ZNF763: variants seen among roughly 807,000 people sequenced by gnomAD.
ZNF763 encodes the protein zinc finger protein 763.
A neutral mutation model predicts 38.0 loss-of-function variants in ZNF763; 33 were observed. The ratio of observed to expected loss-of-function variants is 0.87; its 90% CI spans 0.66 to 1.16. The LOEUF (loss-of-function observed/expected upper bound fraction) is 1.16. Among genes scored for constraint, ZNF763 ranks in the 50% most tolerant of loss-of-function variants. The probability of loss-of-function intolerance (pLI) is 0.00; values close to 1 mark genes in which losing one functional copy is unlikely to be tolerated. For missense variants in ZNF763, 423 were observed against 469.1 expected (o/e 0.90, Z 0.91); for synonymous variants, 155 against 160.1 (o/e 0.97, Z 0.24).
chr19:11,969,293 C>T (rs1973302083), intron 1 of ZNF763, among the ~76,000 whole-genome samples: 5 of 152,122 alleles, frequency 3.3e-5, no homozygotes, highest in Admixed American at 3.3e-4. Flanking sequence ...TTAGTAAAGA[C>T]AGCGTTTTAT....
At chr19:11,965,999 G>A (rs1412750130) in intron 1 of ZNF763, among the ~76,000 whole-genome samples, 1 of 152,100 alleles carries the variant, frequency 6.6e-6, no homozygotes, top group African/African-American at 2.4e-5. Context: ...TCTAAAGTTT[G>A]GAGGAGGTAG....
Position 11,977,081 on chromosome 19 carries a change from A to G in ZNF763, c.47A>G (p.Glu16Gly), listed in dbSNP as rs756442188. The G allele has an allele frequency of 6.2e-7, 1 of 1,614,128 alleles. No homozygotes were observed. The highest frequency in any genetic ancestry group is 1.1e-5 in the South Asian group (1 of 91,082). The change falls in exon 2 of 4, where the codon GAG (glutamate) becomes GGG (glycine). Residue 16 changes from glutamate (E) to glycine (G), a missense_variant. Glu to Gly is a moderately conservative substitution (Grantham distance 98). Coordinates refer to ENST00000358987, the MANE Select transcript of ZNF763 (RefSeq NM_001367172.2). ...GATGTTGCTGTGAACTTCACCCAGG[A>G]GGAGTGGGCTTTGCTGGATATTTCG... is the stretch of plus-strand genomic sequence containing the variant. ...CEDVAVNFTQ[E>G]EWALLDISQR...
In ZNF763 at chr19:11,979,185, A is replaced by T; in HGVS notation, c.*76A>T. ...ATGAAAAAACTCACACTGGAGAGAA[A>T]CCCTATAAATGCATGCCATGTGGTA... On this transcript the variant is annotated 3_prime_UTR_variant, in exon 4 of 4. Transcript: ENST00000358987. The T allele has an allele frequency of 6.2e-7, 1 of 1,612,110 alleles. No homozygotes were observed. Among genetic ancestry groups the T allele is most frequent in the South Asian group, 1.1e-5 (1 of 90,770 alleles).
rs922224636 is a variant in ZNF763, at chr19:11,980,301, A to T, written c.*1192A>T. On this transcript the variant is annotated 3_prime_UTR_variant, in exon 4 of 4. Coordinates refer to ENST00000358987, the MANE Select transcript of ZNF763 (RefSeq NM_001367172.2). ...GAGGCTGGCACAGGAGAATCGCTTGAATCTGGGGGGCAGAGGTTGCAGTGA... is the reference window on the plus strand; with the variant it reads ...GAGGCTGGCACAGGAGAATCGCTTGTATCTGGGGGGCAGAGGTTGCAGTGA... 2 of 261,468 alleles carry T rather than the reference A, an allele frequency of 7.6e-6. No homozygotes were observed. Among genetic ancestry groups the T allele is most frequent in the Non-Finnish European group, 1.5e-5 (2 of 136,812 alleles). 16.2% of individuals were successfully genotyped at this position (261,468 alleles called of 1,614,324 possible).
intron 1 of ZNF763, among the ~76,000 whole-genome samples, chr19:11,966,674 G>A (rs113733391): frequency 0.027 from 4,132 of 152,134 alleles, 167 homozygotes; most frequent in African/African-American, 0.092. Flanking sequence ...TCGCCTGGCC[G>A]CAAGGTATGT....
intron 1 of ZNF763, among the ~76,000 whole-genome samples, chr19:11,974,613 G>C (rs12975364): frequency 0.38 from 55,519 of 147,968 alleles, 12,636 homozygotes; most frequent in East Asian, 0.63. Context: ...TTTTTTGGGC[G>C]GGGGGGTGGG....
At position 11,979,970 on chromosome 19, in the gene ZNF763, G is replaced by C. The variant is rs192808079; in HGVS notation, c.*861G>C. On this transcript the variant is annotated 3_prime_UTR_variant, in exon 4 of 4. Coordinates refer to ENST00000358987, the MANE Select transcript of ZNF763 (RefSeq NM_001367172.2). ...AATACCTGAAAAATCTTACACTGGAGAGAAACCCTATGAGTGTAAGCAATG... is the reference window on the plus strand; with the variant it reads ...AATACCTGAAAAATCTTACACTGGACAGAAACCCTATGAGTGTAAGCAATG... 257 of 1,227,216 alleles carry C rather than the reference G, an allele frequency of 2.1e-4. No homozygotes were observed. In the African/African-American group the frequency reaches 3.4e-3, roughly 16 times the overall value. 76.0% of individuals were successfully genotyped at this position (1,227,216 alleles called of 1,614,324 possible).
At chr19:11,969,746 C>T (rs1031845180) in intron 1 of ZNF763, among the ~76,000 whole-genome samples, 10 of 152,196 alleles carry the variant, frequency 6.6e-5, no homozygotes, top group Non-Finnish European at 1.5e-4. Flanking sequence ...TGTTTCTGAA[C>T]ATTTCACATG....
In ZNF763 at chr19:11,979,708, C is replaced by T; in HGVS notation, c.*599C>T. On this transcript the variant is annotated 3_prime_UTR_variant, in exon 4 of 4. Coordinates refer to ENST00000358987, the MANE Select transcript of ZNF763 (RefSeq NM_001367172.2). ...CTGGGACTCACCCTGAAGAGAAGCCCTACGAGTGTAAGCAATGTGGGAAAG... is the reference window on the plus strand; with the variant it reads ...CTGGGACTCACCCTGAAGAGAAGCCTTACGAGTGTAAGCAATGTGGGAAAG... 6.2e-7 allele frequency: 1 copy of T among 1,600,308 alleles called. No individual in the cohort carries two copies. Among genetic ancestry groups the T allele is most frequent in the Admixed American group, 1.7e-5 (1 of 59,470 alleles).
At chr19:11,965,325 G>A in intron 1 of ZNF763, 114 bp downstream of exon 1, 3 of 1,448,302 alleles carry the variant, frequency 2.1e-6, no homozygotes, top group Non-Finnish European at 2.9e-6. Context: ...GTCTGGGACC[G>A]AGTCCTCCTG....
In ZNF763 at chr19:11,965,055, T is replaced by C; in HGVS notation, c.-154T>C. 1 of 937,130 alleles carries C rather than the reference T, an allele frequency of 1.1e-6. No individual in the cohort carries two copies. The allele number at this position is 937,130 out of a possible 1,614,324, so 58.1% of individuals were successfully genotyped here. A position where few individuals can be genotyped will look rare whatever the true frequency, so the allele number is the denominator to read the frequency against. On this transcript the variant is annotated 5_prime_UTR_variant, in exon 1 of 4. Coordinates refer to ENST00000358987, the MANE Select transcript of ZNF763 (RefSeq NM_001367172.2). Reference sequence around the variant, plus strand: ...GGTCGCATTCCTGTCCTCACCTTTGTCCTTGCGCAGCCGGTGGTTGATATC... The same window carrying C: ...GGTCGCATTCCTGTCCTCACCTTTGCCCTTGCGCAGCCGGTGGTTGATATC...
chr19:11,978,127 A>T lies in ZNF763; in HGVS notation c.203A>T (p.Glu68Val). The change falls in exon 4 of 4, where the codon GAA (glutamate) becomes GTA (valine). Residue 68 changes from glutamate (E) to valine (V), a missense_variant. Physicochemically the swap from Glu to Val is moderately radical, Grantham distance 121 (BLOSUM62 -2). Coordinates refer to ENST00000358987, the MANE Select transcript of ZNF763 (RefSeq NM_001367172.2). ...NPRRNFRSLI[E>V]GNVNEIKEDS... ...CTCACTTTTGACAGGAGTCTCATAGAAGGGAATGTCAATGAAATTAAAGAA... is the reference window on the plus strand; with the variant it reads ...CTCACTTTTGACAGGAGTCTCATAGTAGGGAATGTCAATGAAATTAAAGAA... 1 of 1,612,608 alleles carries T rather than the reference A, an allele frequency of 6.2e-7. No individual in the cohort carries two copies. Among genetic ancestry groups the T allele is most frequent in the Non-Finnish European group, 8.5e-7 (1 of 1,179,726 alleles).
chr19:11,977,505 A>G lies in ZNF763; in HGVS notation c.191+74A>G, dbSNP rs1973521466. The G allele has an allele frequency of 5.9e-6, 9 of 1,531,924 alleles. No homozygotes were observed. The Admixed American group carries it at 9.3e-5, about 16-fold the overall frequency. The allele number at this position is 1,531,924 out of a possible 1,614,324, so 94.9% of individuals were successfully genotyped here. A position where few individuals can be genotyped will look rare whatever the true frequency, so the allele number is the denominator to read the frequency against. On this transcript the variant is annotated intron_variant, in intron 3 of 3. Transcript: ENST00000358987. The stretch of plus-strand genomic sequence containing the variant: ...ATGATAATATGTTGAAGAGAAGTAA[A>G]ACAAAGAACTAAGTCCAGTATCAAA...
intron 3 of ZNF763, 64 bp downstream of exon 3, chr19:11,977,495 A>G: frequency 1.3e-6 from 2 of 1,564,140 alleles, no homozygotes; most frequent in South Asian, 2.3e-5. Flanking sequence ...AATATGTTGA[A>G]GAGAAGTAAA....
At position 11,965,140 on chromosome 19, in the gene ZNF763, T is replaced by G; in HGVS notation, c.-69T>G. The G allele has an allele frequency of 1.2e-6, 2 of 1,610,080 alleles. No individual in the cohort carries two copies. The highest frequency in any genetic ancestry group is 2.7e-5 in the African/African-American group (2 of 74,932). On this transcript the variant is annotated 5_prime_UTR_variant, in exon 1 of 4. Transcript: ENST00000358987. Reference sequence around the variant, plus strand: ...CTACCCAGGTTTCTATCGCTCTGTCTCCTGCGCTGTGCCCTTCTGTAGTCA... The same window carrying G: ...CTACCCAGGTTTCTATCGCTCTGTCGCCTGCGCTGTGCCCTTCTGTAGTCA...
chr19:11,971,148 T>G (rs1300087387), intron 1 of ZNF763, among the ~76,000 whole-genome samples: 3 of 152,244 alleles, frequency 2.0e-5, no homozygotes, highest in East Asian at 3.9e-4. Flanking sequence ...AGAATAAACA[T>G]TTGTTTCTGA....
intron 1 of ZNF763, 88 bp downstream of exon 1, chr19:11,965,299 T>TGCGGGCG (rs1455904674): frequency 1.3e-6 from 2 of 1,575,062 alleles, no homozygotes; most frequent in East Asian, 4.6e-5. Context: ...CGGGCCTCCC[T>TGCGGGCG]GCGGGCGACT....
At chr19:11,971,170 G>C (rs527404473) in intron 1 of ZNF763, among the ~76,000 whole-genome samples, 1 of 152,158 alleles carries the variant, frequency 6.6e-6, no homozygotes, top group African/African-American at 2.4e-5. Flanking sequence ...AGTTCTTGAG[G>C]TTGTGAAGTC....
At chr19:11,966,537 C>T (rs1973232934) in intron 1 of ZNF763, among the ~76,000 whole-genome samples, 1 of 152,078 alleles carries the variant, frequency 6.6e-6, no homozygotes, top group African/African-American at 2.4e-5. Flanking sequence ...CCATGCCTGG[C>T]TAATTTTTGT....
Sources: gnomAD v4.1 joint callset for allele counts (sites outside exome capture counted in the v4.1 genomes callset) on GRCh38, gnomAD v4.1.1 for gene constraint, MANE v1.5 for transcripts, NCBI Gene and HGNC (gene_info 2026-07-23, HGNC 2026-07-21) for gene names.